Variants in PMS1 observed in about 807,000 individuals in gnomAD.
PMS1 encodes the protein PMS1 homolog 1, mismatch repair system component.
A neutral mutation model predicts 93.1 loss-of-function variants in PMS1; 79 were observed. The ratio of observed to expected loss-of-function variants is 0.85; its 90% CI spans 0.71 to 1.02. PMS1 has a LOEUF of 1.02. Among genes scored for constraint, PMS1 ranks in the 50% least tolerant of loss-of-function variants. The probability of loss-of-function intolerance (pLI) is 0.00; values close to 1 mark genes in which losing one functional copy is unlikely to be tolerated. For synonymous variants in PMS1, 335 were observed against 363.4 expected (o/e 0.92, Z 0.89); for missense variants, 1,064 against 1,085.3 (o/e 0.98, Z 0.28).
At position 189,814,316 on chromosome 2, in the gene PMS1, C is replaced by CA. The variant is rs1205682880; in HGVS notation, c.419-3692dup. Among the ~76,000 whole-genome samples, 429 of 149,556 alleles carry CA rather than the reference C, an allele frequency of 2.9e-3. 2 individuals carry two copies. The highest frequency in any genetic ancestry group is 9.3e-3 in the African/African-American group (381 of 40,772). Reference sequence around the variant, plus strand: ...ATAAAAATAGAGGAAGACCCCCCCCCAAAAAAAAATCATTAGTAATGTTAT... The same window carrying CA: ...ATAAAAATAGAGGAAGACCCCCCCCCAAAAAAAAAATCATTAGTAATGTTAT... On this transcript the variant is annotated intron_variant, in intron 4 of 12. Transcript: ENST00000441310.
intron 4 of PMS1, chr2:189,806,091 C>T: frequency 2.0e-6 from 1 of 489,920 alleles, no homozygotes; most frequent in Non-Finnish European, 3.4e-6. Flanking sequence ...ACATATAAAA[C>T]ATAATTGATT....
intron 10 of PMS1, among the ~76,000 whole-genome samples, chr2:189,866,060 G>C (rs1049118346): frequency 3.3e-5 from 5 of 152,170 alleles, no homozygotes; most frequent in African/African-American, 1.2e-4. Flanking sequence ...ATTCTCTTGA[G>C]ATTGGCTTAG....
chr2:189,873,398 A>G (rs1010326262), intron 11 of PMS1, 98 bp from the exon 12 acceptor site: 5 of 770,362 alleles, frequency 6.5e-6, no homozygotes, highest in African/African-American at 5.2e-5. Flanking sequence ...TTAAATTTGA[A>G]TGAGGGTTCA....
At chr2:189,826,523 T>C (rs1220519452) in intron 5 of PMS1, among the ~76,000 whole-genome samples, 1 of 151,602 alleles carries the variant, frequency 6.6e-6, no homozygotes, top group South Asian at 2.1e-4. Context: ...GTTCCTCTTT[T>C]GTTAAGGATT....
At chr2:189,825,272 A>G (rs2052331369) in intron 5 of PMS1, among the ~76,000 whole-genome samples, 1 of 152,182 alleles carries the variant, frequency 6.6e-6, no homozygotes, top group African/African-American at 2.4e-5. Flanking sequence ...CCAAAGGGAA[A>G]TAATTTACAA....
In PMS1 at chr2:189,855,076, A is replaced by G. The variant is rs762582922; in HGVS notation, c.1804A>G (p.Thr602Ala). The G allele has an allele frequency of 3.7e-6, 6 of 1,613,456 alleles. No homozygotes were observed. In the South Asian group the frequency reaches 5.5e-5, roughly 15 times the overall value. ...TCCTAAGACTAGTTTAGAGGATGCA[A>G]CACTACAAATTGAAGAACTGTGGAA... ...ENPKTSLEDA[T>A]LQIEELWKTL... The change falls in exon 9 of 13, where the codon ACA becomes GCA. Residue 602 changes from threonine (T) to alanine (A), a missense_variant. Physicochemically the swap from Thr to Ala is moderately conservative, Grantham distance 58. Coordinates refer to ENST00000441310, the MANE Select transcript of PMS1 (RefSeq NM_000534.5).
intron 4 of PMS1, among the ~76,000 whole-genome samples, chr2:189,815,999 G>T (rs1456793498): frequency 1.3e-5 from 2 of 152,106 alleles, no homozygotes; most frequent in Non-Finnish European, 2.9e-5. Context: ...GAACTCCTGG[G>T]CTCAAGGGAT....
intron 5 of PMS1, among the ~76,000 whole-genome samples, chr2:189,834,413 A>G (rs2053215579): frequency 6.6e-6 from 1 of 152,228 alleles, no homozygotes; most frequent in Non-Finnish European, 1.5e-5. Flanking sequence ...AGTGACCAAG[A>G]GGGAACTAAA....
intron 3 of PMS1, 38 bp downstream of exon 3, chr2:189,795,989 T>C (rs1224243163): frequency 2.3e-6 from 3 of 1,303,244 alleles, no homozygotes; most frequent in East Asian, 4.6e-5. Flanking sequence ...TGATTTCATA[T>C]TCACTGAACA....
At chr2:189,872,010 A>G (rs879355518) in intron 11 of PMS1, among the ~76,000 whole-genome samples, 4 of 151,948 alleles carry the variant, frequency 2.6e-5, no homozygotes, top group Non-Finnish European at 5.9e-5. Context: ...CAGAGACCTC[A>G]CTCATTACCA....
At position 189,864,179 on chromosome 2, in the gene PMS1, C is replaced by G; in HGVS notation, c.2293C>G (p.His765Asp). 6.2e-7 allele frequency: 1 copy of G among 1,609,942 alleles called. No individual in the cohort carries two copies. Among genetic ancestry groups the G allele is most frequent in the Non-Finnish European group, 8.5e-7 (1 of 1,176,808 alleles). The change falls in exon 10 of 13, where the codon CAT becomes GAT. Residue 765 changes from histidine (H) to aspartate (D), a missense_variant. By Grantham distance (81) the His-to-Asp change is moderately conservative. Transcript: ENST00000441310. ...GCTATTTAAAAGACTTCTTGAGAAT[C>G]ATAAACTTCCTGCAGAGCCACTGGA... is the stretch of plus-strand genomic sequence containing the variant. The part of the protein sequence containing the change: ...ALLFKRLLEN[H>D]KLPAEPLEKP...
intron 5 of PMS1, among the ~76,000 whole-genome samples, chr2:189,827,585 A>C (rs1216967207): frequency 5.9e-5 from 9 of 152,202 alleles, no homozygotes; most frequent in African/African-American, 1.9e-4. Flanking sequence ...TTTTCAACCT[A>C]AATGCCCATC....
At chr2:189,834,637 A>G (rs2053233637) in intron 5 of PMS1, among the ~76,000 whole-genome samples, 1 of 152,232 alleles carries the variant, frequency 6.6e-6, no homozygotes, top group Admixed American at 6.5e-5. Flanking sequence ...TCTTGTTTTT[A>G]AAGACTGCAA....
chr2:189,860,933 CTT>C (rs1184919833), intron 9 of PMS1, among the ~76,000 whole-genome samples: 1 of 141,680 alleles, frequency 7.1e-6, no homozygotes, highest in Non-Finnish European at 1.5e-5. Context: ...CATGGTATAT[CTT>C]TTTTTCAGTC....
chr2:189,794,945 AT>A (rs2049209594), intron 2 of PMS1, among the ~76,000 whole-genome samples: 1 of 152,162 alleles, frequency 6.6e-6, no homozygotes. Context: ...AAAAATAAAA[AT>A]AAAAATAGTT....
intron 3 of PMS1, among the ~76,000 whole-genome samples, chr2:189,798,494 C>G (rs1379264216): frequency 6.6e-6 from 1 of 152,196 alleles, no homozygotes; most frequent in Non-Finnish European, 1.5e-5. Flanking sequence ...CTATTTTCCT[C>G]AGCACTCGCT....
At chr2:189,850,614 A>G (rs2054609891) in intron 6 of PMS1, among the ~76,000 whole-genome samples, 1 of 152,144 alleles carries the variant, frequency 6.6e-6, no homozygotes, top group Non-Finnish European at 1.5e-5. Flanking sequence ...AGCAGGAAAA[A>G]GGGGGCTGAT....
intron 3 of PMS1, among the ~76,000 whole-genome samples, chr2:189,804,394 GAAGAGGTAGATCCCTT>G (rs1222322530): frequency 5.3e-5 from 8 of 152,260 alleles, no homozygotes; most frequent in African/African-American, 1.9e-4. Flanking sequence ...ATGTATTTTG[GAAGAGGTAGATCCCTT>G]AAGAGTACTC....
At chr2:189,809,896 TCAATATA>T (rs1423426781) in intron 4 of PMS1, among the ~76,000 whole-genome samples, 2 of 152,242 alleles carry the variant, frequency 1.3e-5, no homozygotes, top group Non-Finnish European at 1.5e-5. Context: ...CAATAATTTA[TCAATATA>T]CAGATTAGGT....
Sources: gnomAD v4.1 joint callset for allele counts (sites outside exome capture counted in the v4.1 genomes callset) on GRCh38, gnomAD v4.1.1 for gene constraint, MANE v1.5 for transcripts, NCBI Gene and HGNC (gene_info 2026-07-23, HGNC 2026-07-21) for gene names.